Variants in SEMA6A observed in about 807,000 individuals in gnomAD.
SEMA6A encodes semaphorin 6A, also known as semaphorin-6A.
A neutral mutation model predicts 96.8 loss-of-function variants in SEMA6A; 25 were observed. That is an observed-to-expected ratio of 0.26 (90% CI 0.19 to 0.36). SEMA6A has a LOEUF of 0.36. Among genes scored for constraint, SEMA6A ranks in the 10% least tolerant of loss-of-function variants. SEMA6A has a pLI of 1.00. For missense variants in SEMA6A, 1,363 were observed against 1,323.1 expected (o/e 1.03, Z -0.47); for synonymous variants, 612 against 518.0 (o/e 1.18, Z -2.46).
chr5:116,511,005 C>T (rs1458475649), intron 1 of SEMA6A, among the ~76,000 whole-genome samples: 1 of 152,114 alleles, frequency 6.6e-6, no homozygotes, highest in Non-Finnish European at 1.5e-5. Flanking sequence ...GTGTTGTAAA[C>T]ACAAGAGTAA....
intron 17 of SEMA6A, chr5:116,469,524 A>G (rs1205232091): frequency 6.6e-6 from 1 of 152,226 alleles, no homozygotes; most frequent in East Asian, 1.9e-4. Flanking sequence ...AGTGCCCAGC[A>G]TAAGCAAATA....
intron 5 of SEMA6A, chr5:116,495,993 G>A: frequency 7.2e-6 from 3 of 416,532 alleles, no homozygotes; most frequent in Non-Finnish European, 8.7e-6. Flanking sequence ...CAAGACTCTG[G>A]GCAGCCGGCT....
At chr5:116,532,603 A>G (rs1313795738) in intron 1 of SEMA6A, among the ~76,000 whole-genome samples, 1 of 152,104 alleles carries the variant, frequency 6.6e-6, no homozygotes, top group Non-Finnish European at 1.5e-5. Context: ...TGACCCCATC[A>G]CTGGGGTGTG....
At chr5:116,550,952 G>T (rs1416802606) in intron 1 of SEMA6A, among the ~76,000 whole-genome samples, 1 of 152,158 alleles carries the variant, frequency 6.6e-6, no homozygotes, top group Non-Finnish European at 1.5e-5. Flanking sequence ...CACTCTGAAG[G>T]ATAGGAATCT....
intron 18 of SEMA6A, among the ~76,000 whole-genome samples, chr5:116,461,406 C>T (rs886105786): frequency 5.9e-5 from 9 of 151,948 alleles, no homozygotes; most frequent in South Asian, 2.1e-4. Flanking sequence ...CATTTAAAAA[C>T]GACTGCAATA....
chr5:116,531,989 GAGGT>G (rs1759498201), intron 1 of SEMA6A, among the ~76,000 whole-genome samples: 1 of 152,140 alleles, frequency 6.6e-6, no homozygotes. Context: ...GAACAACACA[GAGGT>G]AGGGACCACC....
At chr5:116,455,415 C>G (rs1180310626) in intron 18 of SEMA6A, among the ~76,000 whole-genome samples, 1 of 152,190 alleles carries the variant, frequency 6.6e-6, no homozygotes, top group African/African-American at 2.4e-5. Context: ...GGCGTATTTT[C>G]CTGCTTTTTG....
chr5:116,502,916 A>G (rs1317582330), intron 2 of SEMA6A, among the ~76,000 whole-genome samples: 2 of 152,224 alleles, frequency 1.3e-5, no homozygotes, highest in Non-Finnish European at 2.9e-5. Context: ...GAGTTAAGCA[A>G]TTGGCTAACA....
chr5:116,459,405 C>T (rs40104), intron 18 of SEMA6A, among the ~76,000 whole-genome samples: 138,265 of 152,160 alleles, frequency 0.91, 63,422 homozygotes, highest in Non-Finnish European at 0.98. Context: ...CCTGTGGTCC[C>T]TTTCTTCCCA....
chr5:116,559,723 A>C (rs546284099), intron 1 of SEMA6A, among the ~76,000 whole-genome samples: 2 of 152,290 alleles, frequency 1.3e-5, no homozygotes, highest in East Asian at 3.9e-4. Flanking sequence ...GGCCAATGCC[A>C]CAACCATCCA....
At chr5:116,533,670 G>A (rs1759586963) in intron 1 of SEMA6A, among the ~76,000 whole-genome samples, 1 of 152,148 alleles carries the variant, frequency 6.6e-6, no homozygotes, top group South Asian at 2.1e-4. Context: ...TTCTCTAGCT[G>A]GAAAGCAGCA....
chr5:116,526,672 T>A (rs1057109965), intron 1 of SEMA6A, among the ~76,000 whole-genome samples: 4 of 152,234 alleles, frequency 2.6e-5, no homozygotes, highest in African/African-American at 9.6e-5. Context: ...GCTCACTTTA[T>A]AATGAACTGT....
At chr5:116,459,717 C>T (rs1308366332) in intron 18 of SEMA6A, among the ~76,000 whole-genome samples, 2 of 152,238 alleles carry the variant, frequency 1.3e-5, no homozygotes, top group Non-Finnish European at 1.5e-5. Flanking sequence ...CCCTTAGACT[C>T]CCTTAGTACT....
chr5:116,476,127 G>A (rs1756436024), intron 15 of SEMA6A, among the ~76,000 whole-genome samples: 1 of 152,084 alleles, frequency 6.6e-6, no homozygotes, highest in Admixed American at 6.6e-5. Context: ...TGTGGAGACT[G>A]CTTGGTTATT....
chr5:116,571,051 G>C (rs1328376685), intron 1 of SEMA6A, among the ~76,000 whole-genome samples: 1 of 152,128 alleles, frequency 6.6e-6, no homozygotes, highest in Non-Finnish European at 1.5e-5. Flanking sequence ...TGTGTGTTGT[G>C]TGTAAATAAA....
At chr5:116,475,717 G>C in intron 15 of SEMA6A, 114 bp from the exon 16 acceptor site, 1 of 654,062 alleles carries the variant, frequency 1.5e-6, no homozygotes, top group Non-Finnish European at 2.6e-6. Context: ...TGAGTGGCAG[G>C]TGCAAAAAAG....
intron 3 of SEMA6A, among the ~76,000 whole-genome samples, chr5:116,498,113 C>T (rs887594051): frequency 6.6e-6 from 1 of 152,078 alleles, no homozygotes; most frequent in Non-Finnish European, 1.5e-5. Flanking sequence ...TTTAAACATC[C>T]CCTTCTGTGT....
intron 9 of SEMA6A, 66 bp downstream of exon 9, chr5:116,488,042 A>C (rs533782427): frequency 1.9e-6 from 2 of 1,058,422 alleles, no homozygotes; most frequent in Non-Finnish European, 2.8e-6. Flanking sequence ...TTATAACAAC[A>C]TTTGACCAAA....
At chr5:116,564,649 G>A (rs1401475803) in intron 1 of SEMA6A, among the ~76,000 whole-genome samples, 1 of 152,030 alleles carries the variant, frequency 6.6e-6, no homozygotes, top group Non-Finnish European at 1.5e-5. Flanking sequence ...TCTTGACCAA[G>A]TCACACAATA....
Sources: allele counts gnomAD v4.1 joint callset (sites outside exome capture counted in the v4.1 genomes callset), GRCh38; gene constraint gnomAD v4.1.1; transcripts MANE v1.5; gene names NCBI Gene and HGNC (gene_info 2026-07-23, HGNC 2026-07-21).